Variants in SMPD3 observed in about 807,000 individuals in gnomAD.
SMPD3 encodes nSMase-2.
Under a neutral mutation model 55.7 loss-of-function variants are expected in SMPD3, and 21 were observed. The ratio of observed to expected loss-of-function variants is 0.38; its 90% CI spans 0.27 to 0.54. The LOEUF (loss-of-function observed/expected upper bound fraction) is 0.54, where lower values mean the gene tolerates loss of function less well. Ranked by LOEUF, SMPD3 falls within the 20% of genes least tolerant of loss-of-function variation. The pLI is 0.80. For synonymous variants in SMPD3, 457 were observed against 404.3 expected (o/e 1.13, Z -1.56); for missense variants, 842 against 899.6 (o/e 0.94, Z 0.82).
At chr16:68,361,460 C>A in intron 8 of SMPD3, 143 bp downstream of exon 8, 1 of 1,396,196 alleles carries the variant, frequency 7.2e-7, no homozygotes, top group Non-Finnish European at 9.9e-7. Flanking sequence ...GGACCTGGGG[C>A]CCTAAGGGTC....
At chr16:68,384,335 G>A (rs1397877087) in intron 2 of SMPD3, among the ~76,000 whole-genome samples, 1 of 152,204 alleles carries the variant, frequency 6.6e-6, no homozygotes, top group African/African-American at 2.4e-5. Flanking sequence ...GTCCACCCAT[G>A]GCCCCTGGGA....
At chr16:68,397,834 G>A (rs1355655043) in intron 1 of SMPD3, among the ~76,000 whole-genome samples, 1 of 152,188 alleles carries the variant, frequency 6.6e-6, no homozygotes, top group Non-Finnish European at 1.5e-5. Flanking sequence ...TCGTCTTAGG[G>A]CCTCCTACAG....
chr16:68,363,014 G>C (rs1057397710), intron 7 of SMPD3, among the ~76,000 whole-genome samples: 5 of 152,218 alleles, frequency 3.3e-5, no homozygotes, highest in African/African-American at 1.2e-4. Flanking sequence ...CTGGGCTCAA[G>C]AATGAATTTT....
At chr16:68,428,618 C>A (rs2090456288) in intron 1 of SMPD3, among the ~76,000 whole-genome samples, 1 of 152,106 alleles carries the variant, frequency 6.6e-6, no homozygotes. Flanking sequence ...AAAGGGCTTC[C>A]CAGGAAGTCA....
intron 1 of SMPD3, among the ~76,000 whole-genome samples, chr16:68,418,057 T>A (rs964485722): frequency 1.3e-5 from 2 of 152,204 alleles, no homozygotes; most frequent in African/African-American, 4.8e-5. Context: ...TTTTATAAAA[T>A]CCTGTGCTCT....
intron 1 of SMPD3, among the ~76,000 whole-genome samples, chr16:68,395,268 C>T (rs2152006970): frequency 6.6e-6 from 1 of 152,192 alleles, no homozygotes; most frequent in African/African-American, 2.4e-5. Context: ...TGTTGGGTGG[C>T]AACTGTAATC....
chr16:68,422,042 A>G (rs2090399246), intron 1 of SMPD3, among the ~76,000 whole-genome samples: 1 of 152,248 alleles, frequency 6.6e-6, no homozygotes, highest in African/African-American at 2.4e-5. Context: ...ACAAGGAAGC[A>G]GAGGCTGAAG....
In SMPD3 at chr16:68,359,562, C is replaced by T. The variant is rs948056895; in HGVS notation, c.*1644G>A. 1 of 152,818 alleles carries T rather than the reference C, an allele frequency of 6.5e-6. No homozygotes were observed. Among genetic ancestry groups the T allele is most frequent in the African/African-American group, 2.4e-5 (1 of 41,450 alleles). 9.5% of individuals were successfully genotyped at this position (152,818 alleles called of 1,614,324 possible). A position where few individuals can be genotyped will look rare whatever the true frequency, so the allele number is the denominator to read the frequency against. ...TGGCTGCGTGGCCCCCTCTTGGTCC[C>T]TCTTGCAGCTCAATGGGTGACAAGG... is the stretch of plus-strand genomic sequence containing the variant. On this transcript the variant is annotated 3_prime_UTR_variant, in exon 9 of 9. Coordinates refer to ENST00000219334, the MANE Select transcript of SMPD3 (RefSeq NM_018667.4).
At chr16:68,439,971 C>G (rs974402084) in intron 1 of SMPD3, among the ~76,000 whole-genome samples, 2 of 152,286 alleles carry the variant, frequency 1.3e-5, no homozygotes, top group Admixed American at 6.5e-5. Context: ...TGCTACTTGC[C>G]TCATTATCCC....
chr16:68,363,061 G>A (rs2089362086), intron 7 of SMPD3, among the ~76,000 whole-genome samples: 3 of 152,124 alleles, frequency 2.0e-5, no homozygotes, highest in South Asian at 2.1e-4. Flanking sequence ...GAAAATGGTC[G>A]GCTGTGTTAT....
chr16:68,364,727 G>A (rs1394689317), intron 5 of SMPD3, 24 bp downstream of exon 5: 6 of 1,601,436 alleles, frequency 3.7e-6, no homozygotes, highest in Non-Finnish European at 8.5e-7. Flanking sequence ...CTGGAGACCT[G>A]AGTGGGGAGG....
chr16:68,394,242 A>G (rs915646047), intron 1 of SMPD3, among the ~76,000 whole-genome samples: 1 of 151,726 alleles, frequency 6.6e-6, no homozygotes, highest in Non-Finnish European at 1.5e-5. Flanking sequence ...CTGTGATACC[A>G]TTTTCCATTT....
chr16:68,436,953 G>C (rs1334867356), intron 1 of SMPD3, among the ~76,000 whole-genome samples: 2 of 152,246 alleles, frequency 1.3e-5, no homozygotes, highest in African/African-American at 2.4e-5. Flanking sequence ...CCTGGTGTGA[G>C]ATAAGGTTGG....
At chr16:68,443,749 T>C (rs202159250) in intron 1 of SMPD3, among the ~76,000 whole-genome samples, 136 of 152,352 alleles carry the variant, frequency 8.9e-4, no homozygotes, top group Non-Finnish European at 1.4e-3. Flanking sequence ...TCCTAGTGGG[T>C]CCGCAATCCT....
At chr16:68,361,844 TC>T in intron 7 of SMPD3, 85 bp from the exon 8 acceptor site, 2 of 767,246 alleles carry the variant, frequency 2.6e-6, no homozygotes, top group Non-Finnish European at 2.0e-6. Context: ...CATGGTCTCC[TC>T]CCAGTGTGGG....
At position 68,372,222 on chromosome 16, in the gene SMPD3, G is replaced by A; in HGVS notation, c.-41C>T. ...GCCGCAGCCGGCCCTACTACATGGT[G>A]TCCGTGGCAGCTGCGGGCACTTTCC... On this transcript the variant is annotated 5_prime_UTR_variant, in exon 3 of 9. Transcript: ENST00000219334. 6.3e-7 allele frequency: 1 copy of A among 1,595,214 alleles called. No homozygotes were observed. The highest frequency in any genetic ancestry group is 1.1e-5 in the South Asian group (1 of 87,788).
At chr16:68,384,704 T>C (rs2090019221) in intron 2 of SMPD3, among the ~76,000 whole-genome samples, 1 of 152,118 alleles carries the variant, frequency 6.6e-6, no homozygotes, top group African/African-American at 2.4e-5. Context: ...GGTTCTGTTT[T>C]CTAACTCTGA....
intron 1 of SMPD3, among the ~76,000 whole-genome samples, chr16:68,387,655 C>T (rs2090070972): frequency 1.3e-5 from 2 of 152,230 alleles, no homozygotes; most frequent in Admixed American, 6.5e-5. Flanking sequence ...GCCCCCTGCC[C>T]AATGCCCAGC....
intron 1 of SMPD3, among the ~76,000 whole-genome samples, chr16:68,411,616 C>T (rs546853473): frequency 3.1e-4 from 47 of 152,300 alleles, no homozygotes; most frequent in African/African-American, 1.1e-3. Context: ...TAATGGATAA[C>T]GATCAAAGAT....
Sources: allele counts gnomAD v4.1 joint callset (sites outside exome capture counted in the v4.1 genomes callset), GRCh38; gene constraint gnomAD v4.1.1; transcripts MANE v1.5; gene names NCBI Gene and HGNC (gene_info 2026-07-23, HGNC 2026-07-21).